Variants in RYR2 observed in about 807,000 individuals in gnomAD.
RYR2 encodes cardiac muscle ryanodine receptor-calcium release channel.
In RYR2, 227 loss-of-function variants were observed where a neutral mutation model predicts 601.1. The ratio of observed to expected loss-of-function variants is 0.38; its 90% CI spans 0.34 to 0.42. The LOEUF (loss-of-function observed/expected upper bound fraction) is 0.42, where lower values mean the gene tolerates loss of function less well. Ranked by LOEUF, RYR2 falls within the 10% of genes least tolerant of loss-of-function variation. The probability of loss-of-function intolerance (pLI) is 1.00; values close to 1 mark genes in which losing one functional copy is unlikely to be tolerated. For missense variants in RYR2, 4,646 were observed against 6,156.5 expected (o/e 0.75, Z 8.21); for synonymous variants, 2,223 against 2,175.1 (o/e 1.02, Z -0.61).
chr1:237,269,812 G>A (rs1218881065), intron 1 of RYR2, among the ~76,000 whole-genome samples: 2 of 152,182 alleles, frequency 1.3e-5, no homozygotes, highest in African/African-American at 2.4e-5. Context: ...CACTCCCACT[G>A]CCTGTATTGA....
At chr1:237,276,786 C>T (rs1690331465) in intron 2 of RYR2, among the ~76,000 whole-genome samples, 1 of 152,080 alleles carries the variant, frequency 6.6e-6, no homozygotes, top group Admixed American at 6.6e-5. Flanking sequence ...TTCAAACAGA[C>T]CAATTATCAT....
chr1:237,594,903 T>TTTTTTG (rs1675681880), intron 33 of RYR2, among the ~76,000 whole-genome samples: 1 of 31,474 alleles, frequency 3.2e-5, no homozygotes, highest in African/African-American at 5.7e-5. Context: ...TTTTTTTTTT[T>TTTTTTG]TTTTTTTTTT....
intron 1 of RYR2, among the ~76,000 whole-genome samples, chr1:237,115,132 G>T (rs1387203039): frequency 6.6e-6 from 1 of 152,078 alleles, no homozygotes; most frequent in Non-Finnish European, 1.5e-5. Flanking sequence ...ACCTTTGCTG[G>T]CTGCTGGGAG....
chr1:237,787,611 A>T (rs1657783358), intron 91 of RYR2, among the ~76,000 whole-genome samples: 1 of 151,328 alleles, frequency 6.6e-6, no homozygotes, highest in Admixed American at 6.6e-5. Context: ...AAAAAAAAAA[A>T]AAAAAAAGGA....
chr1:237,202,067 C>A (rs1163858547), intron 1 of RYR2, among the ~76,000 whole-genome samples: 2 of 152,122 alleles, frequency 1.3e-5, no homozygotes, highest in Non-Finnish European at 2.9e-5. Flanking sequence ...AGACAGAAAC[C>A]TTAATGTAGG....
rs75954029 is a variant in RYR2 at position 237,427,065 on chromosome 1, C to T, written c.1005+3817C>T. ...AAATACTTAACAGCCAAAAAGGAAA[C>T]ACTCAAATATAATACCATTTACTAA... On this transcript the variant is annotated intron_variant, in intron 12 of 104. Transcript: ENST00000366574. Among the ~76,000 whole-genome samples, 1,397 of 152,190 alleles carry T rather than the reference C, an allele frequency of 9.2e-3. 23 individuals are homozygous for T. The highest frequency in any genetic ancestry group is 0.032 in the African/African-American group (1,344 of 41,500).
At chr1:237,162,465 C>T (rs1676125237) in intron 1 of RYR2, among the ~76,000 whole-genome samples, 1 of 151,952 alleles carries the variant, frequency 6.6e-6, no homozygotes, top group Non-Finnish European at 1.5e-5. Flanking sequence ...TTTTCCACAA[C>T]TTTTAATTTC....
chr1:237,445,683 G>A (rs1461574138), intron 14 of RYR2, among the ~76,000 whole-genome samples, 161 bp downstream of exon 14: 2 of 152,176 alleles, frequency 1.3e-5, no homozygotes, highest in South Asian at 2.1e-4. Context: ...ATGATTTAAT[G>A]TCTTTCTTTT....
chr1:237,673,316 AT>A (rs1211345537), intron 58 of RYR2, among the ~76,000 whole-genome samples: 1 of 152,024 alleles, frequency 6.6e-6, no homozygotes, highest in African/African-American at 2.4e-5. Context: ...TAACAGTTTA[AT>A]TTTTTTATAA....
chr1:237,723,293 G>C, intron 74 of RYR2, 31 bp downstream of exon 74: 1 of 1,579,306 alleles, frequency 6.3e-7, no homozygotes, highest in Non-Finnish European at 8.7e-7. Flanking sequence ...AATCATATTT[G>C]CCTTAGCCAC....
At position 237,716,754 on chromosome 1, in the gene RYR2, CCACACACACACA is replaced by C. The variant is rs72260792; in HGVS notation, c.10324-426_10324-415del. 5.9e-3 allele frequency among the ~76,000 whole-genome samples: 877 copies of C among 148,428 alleles called. 8 individuals are homozygous for C. The highest frequency in any genetic ancestry group is 0.021 in the African/African-American group (829 of 40,050). ...TTTATAATTGTTCTGATATATTAGA[CCACACACACACA>C]CACACACACACACACACCATATACA... On this transcript the variant is annotated intron_variant, in intron 71 of 104. Transcript: ENST00000366574.
chr1:237,525,984 A>AT (rs141675986), intron 24 of RYR2, among the ~76,000 whole-genome samples: 62,111 of 150,942 alleles, frequency 0.41, 13,017 homozygotes, highest in East Asian at 0.54. Flanking sequence ...CCTCAAAAAA[A>AT]AAAAATAATA....
chr1:237,421,086 A>G (rs1400673971), intron 11 of RYR2, among the ~76,000 whole-genome samples: 2 of 152,156 alleles, frequency 1.3e-5, no homozygotes, highest in Non-Finnish European at 2.9e-5. Flanking sequence ...TGAAAATACA[A>G]AAGTTAGCCG....
At chr1:237,511,833 T>TTAAAA (rs1558946161) in intron 24 of RYR2, 42 bp downstream of exon 24, 10 of 274,726 alleles carry the variant, frequency 3.6e-5, no homozygotes, top group Non-Finnish European at 3.9e-5. Flanking sequence ...CTGCCTTCCC[T>TTAAAA]GAAAAAAAAA....
At position 237,129,137 on chromosome 1, in the gene RYR2, G is replaced by A. The variant is rs11808776; in HGVS notation, c.48+86568G>A. Reference sequence around the variant, plus strand: ...CCCACTACAACCTTCCCAGCCCAAGGCACTGCCTTCTCTCATCTGGATTAC... The same window carrying A: ...CCCACTACAACCTTCCCAGCCCAAGACACTGCCTTCTCTCATCTGGATTAC... On this transcript the variant is annotated intron_variant, in intron 1 of 104. Coordinates refer to ENST00000366574, the MANE Select transcript of RYR2 (RefSeq NM_001035.3). 2.8e-3 allele frequency among the ~76,000 whole-genome samples: 423 copies of A among 152,306 alleles called. 3 individuals are homozygous for A. Among genetic ancestry groups the A allele is most frequent in the African/African-American group, 8.9e-3 (371 of 41,542 alleles).
At chr1:237,445,021 CT>C (rs1708208387) in intron 13 of RYR2, among the ~76,000 whole-genome samples, 2 of 152,078 alleles carry the variant, frequency 1.3e-5, no homozygotes, top group African/African-American at 2.4e-5. Flanking sequence ...GTTTGTTTTA[CT>C]CGACTCATTG....
intron 35 of RYR2, among the ~76,000 whole-genome samples, chr1:237,603,562 A>G (rs1676756383): frequency 6.6e-6 from 1 of 152,214 alleles, no homozygotes; most frequent in Non-Finnish European, 1.5e-5. Flanking sequence ...GACAGGATCA[A>G]ATTCACACAT....
intron 1 of RYR2, among the ~76,000 whole-genome samples, chr1:237,184,041 A>G (rs1452562294): frequency 6.6e-6 from 1 of 152,180 alleles, no homozygotes; most frequent in Admixed American, 6.5e-5. Context: ...TTAATGACAT[A>G]ATCCTTTCCG....
At chr1:237,667,818 T>TA in intron 57 of RYR2, 65 bp from the exon 58 acceptor site, 3 of 1,149,942 alleles carry the variant, frequency 2.6e-6, no homozygotes, top group Non-Finnish European at 3.8e-6. Flanking sequence ...TCTAATATTA[T>TA]ATATTAGAAA....
Sources: allele counts gnomAD v4.1 joint callset (sites outside exome capture counted in the v4.1 genomes callset), GRCh38; gene constraint gnomAD v4.1.1; transcripts MANE v1.5; gene names NCBI Gene and HGNC (gene_info 2026-07-23, HGNC 2026-07-21).